Variants in GYPC observed in about 807,000 individuals in gnomAD.
The protein encoded by GYPC is glycophorin-C.
Under a neutral mutation model 12.6 loss-of-function variants are expected in GYPC, and 14 were observed. The observed-to-expected ratio is 1.11, with a 90% CI of 0.74 to 1.74. GYPC has a LOEUF of 1.74. Ranked by LOEUF, GYPC falls within the 40% of genes most tolerant of loss-of-function variation. The probability of loss-of-function intolerance (pLI) is 0.00; values close to 1 mark genes in which losing one functional copy is unlikely to be tolerated. For synonymous variants in GYPC, 78 were observed against 62.1 expected, an observed-to-expected ratio of 1.26 and a Z score of -1.20; for missense variants, 225 against 172.1, an observed-to-expected ratio of 1.31 and a Z score of -1.72.
At chr2:126,685,066 G>T (rs1683247892) in intron 1 of GYPC, among the ~76,000 whole-genome samples, 2 of 152,180 alleles carry the variant, frequency 1.3e-5, no homozygotes, top group South Asian at 4.1e-4. Flanking sequence ...TTTATTCTGA[G>T]ACCCTACAGC....
intron 1 of GYPC, among the ~76,000 whole-genome samples, chr2:126,674,141 C>G (rs1456777082): frequency 6.6e-6 from 1 of 152,212 alleles, no homozygotes; most frequent in Non-Finnish European, 1.5e-5. Context: ...TTTCCATCCT[C>G]TTATTCAAGC....
chr2:126,679,820 G>C (rs557889913), intron 1 of GYPC: 12 of 152,202 alleles, frequency 7.9e-5, no homozygotes, highest in Non-Finnish European at 1.3e-4. Context: ...GTTGCAGTGA[G>C]CCGAGATCGT....
At chr2:126,663,933 G>A (rs994987232) in intron 1 of GYPC, among the ~76,000 whole-genome samples, 4 of 149,234 alleles carry the variant, frequency 2.7e-5, no homozygotes, top group Non-Finnish European at 3.0e-5. Context: ...TTGGAGCTGG[G>A]TCTCTCTAAG....
intron 1 of GYPC, among the ~76,000 whole-genome samples, chr2:126,657,260 A>G (rs1485192962): frequency 6.6e-6 from 1 of 152,210 alleles, no homozygotes; most frequent in Non-Finnish European, 1.5e-5. Context: ...ACGTGTGTAC[A>G]CGGCACTCCA....
chr2:126,686,447 A>C, intron 1 of GYPC: 1 of 985,532 alleles, frequency 1.0e-6, no homozygotes, highest in Non-Finnish European at 1.2e-6. Flanking sequence ...GACTGTAGCC[A>C]ATGGCAAATC....
chr2:126,675,786 T>C (rs1226434602), intron 1 of GYPC: 2 of 478,794 alleles, frequency 4.2e-6, no homozygotes, highest in African/African-American at 4.2e-5. Context: ...TTCACCGTAG[T>C]AGTGATGGTG....
intron 1 of GYPC, among the ~76,000 whole-genome samples, chr2:126,668,185 G>T (rs1682740273): frequency 6.6e-6 from 1 of 152,178 alleles, no homozygotes; most frequent in East Asian, 1.9e-4. Flanking sequence ...CTCTGTTGCA[G>T]TATTTTTGTT....
Position 126,656,246 on chromosome 2 carries a change from C to T in GYPC, c.-18C>T. 1 of 1,598,778 alleles carries T rather than the reference C, an allele frequency of 6.3e-7. No homozygotes were observed. On this transcript the variant is annotated 5_prime_UTR_variant, in exon 1 of 4. Transcript: ENST00000259254. The stretch of plus-strand genomic sequence containing the variant: ...CCTGGCCAGTCCCCGCGGTCTCTGC[C>T]CGGGCTGACGCCCAGGAATGTGGTC...
chr2:126,671,502 C>T (rs552277922), intron 1 of GYPC, among the ~76,000 whole-genome samples: 1 of 152,234 alleles, frequency 6.6e-6, no homozygotes, highest in African/African-American at 2.4e-5. Context: ...ATTGGAACCT[C>T]TCCCTACCGG....
At chr2:126,685,986 C>T (rs902072048) in intron 1 of GYPC, 1 of 985,382 alleles carries the variant, frequency 1.0e-6, no homozygotes, top group Non-Finnish European at 1.2e-6. Flanking sequence ...CTGAATTCTT[C>T]CTTCTTTGCT....
intron 1 of GYPC, among the ~76,000 whole-genome samples, chr2:126,663,964 C>G (rs1573557002): frequency 1.3e-4 from 8 of 61,802 alleles, no homozygotes; most frequent in African/African-American, 3.8e-4. Flanking sequence ...CTCTCTCTCT[C>G]TCTCTCTCTC....
At chr2:126,671,634 C>T (rs535436769) in intron 1 of GYPC, among the ~76,000 whole-genome samples, 1 of 152,386 alleles carries the variant, frequency 6.6e-6, no homozygotes, top group South Asian at 2.1e-4. Context: ...CTTCTGCTGA[C>T]TGCCCTAGCA....
intron 1 of GYPC, among the ~76,000 whole-genome samples, chr2:126,670,109 T>G (rs573822612): frequency 6.6e-6 from 1 of 152,256 alleles, no homozygotes; most frequent in East Asian, 1.9e-4. Flanking sequence ...TGTGAGGCCC[T>G]CCCCAAGGAA....
At chr2:126,671,123 C>A (rs1682841912) in intron 1 of GYPC, among the ~76,000 whole-genome samples, 1 of 152,178 alleles carries the variant, frequency 6.6e-6, no homozygotes. Flanking sequence ...GGGAGGCCCA[C>A]TAACCTGGGC....
chr2:126,672,391 G>T (rs1280339266), intron 1 of GYPC, among the ~76,000 whole-genome samples: 3 of 152,098 alleles, frequency 2.0e-5, no homozygotes, highest in Non-Finnish European at 4.4e-5. Flanking sequence ...TGCCCAATTT[G>T]CACATTCACC....
intron 1 of GYPC, among the ~76,000 whole-genome samples, chr2:126,678,092 C>T (rs1008320109): frequency 6.6e-5 from 10 of 151,986 alleles, no homozygotes; most frequent in Admixed American, 2.6e-4. Context: ...CCTGGTGGCA[C>T]GCACCTGTAA....
intron 1 of GYPC, among the ~76,000 whole-genome samples, chr2:126,668,799 G>C (rs1217425051): frequency 1.3e-5 from 2 of 152,352 alleles, no homozygotes; most frequent in Middle Eastern, 6.8e-3. Context: ...ATTGAGAGGG[G>C]ACAAAGGTGT....
intron 1 of GYPC, among the ~76,000 whole-genome samples, chr2:126,684,376 G>A (rs1573572554): frequency 6.6e-6 from 1 of 152,126 alleles, no homozygotes; most frequent in Non-Finnish European, 1.5e-5. Context: ...GCAGGTCCCT[G>A]GAGCCCATGG....
intron 1 of GYPC, among the ~76,000 whole-genome samples, chr2:126,677,463 C>G (rs927277641): frequency 7.2e-6 from 1 of 139,026 alleles, no homozygotes; most frequent in African/African-American, 2.8e-5. Context: ...AAGAGTGTGA[C>G]AGTGTGTGTG....
Sources: gnomAD v4.1 joint callset for allele counts (sites outside exome capture counted in the v4.1 genomes callset) on GRCh38, gnomAD v4.1.1 for gene constraint, MANE v1.5 for transcripts, NCBI Gene and HGNC (gene_info 2026-07-23, HGNC 2026-07-21) for gene names.